SKAP2: variants seen among roughly 807,000 people sequenced by gnomAD.
SKAP2 encodes src kinase-associated phosphoprotein 2.
A neutral mutation model predicts 54.9 loss-of-function variants in SKAP2; 28 were observed. The ratio of observed to expected loss-of-function variants is 0.51; its 90% CI spans 0.38 to 0.70. SKAP2 has a LOEUF of 0.70. Among genes scored for constraint, SKAP2 ranks in the 30% least tolerant of loss-of-function variants. SKAP2 has a pLI of 0.00. For missense variants in SKAP2, 356 were observed against 424.1 expected (o/e 0.84, Z 1.41); for synonymous variants, 137 against 134.3 (o/e 1.02, Z -0.14).
chr7:26,765,016 A>G (rs1345532019), intron 4 of SKAP2, among the ~76,000 whole-genome samples: 3 of 152,204 alleles, frequency 2.0e-5, no homozygotes, highest in Non-Finnish European at 4.4e-5. Flanking sequence ...TAATGGGTCA[A>G]ATGGTATTTC....
intron 4 of SKAP2, among the ~76,000 whole-genome samples, chr7:26,800,932 C>T (rs1030593149): frequency 6.6e-6 from 1 of 152,056 alleles, no homozygotes; most frequent in Non-Finnish European, 1.5e-5. Flanking sequence ...AGAACTAACA[C>T]CAATCCTAAT....
chr7:26,668,662 G>GTT lies in SKAP2; in HGVS notation c.*1002_*1003dup, dbSNP rs369317261. The GTT allele has an allele frequency of 0.022, 2,709 of 122,920 alleles. 86 individuals are homozygous for GTT. The highest frequency in any genetic ancestry group is 0.029 in the African/African-American group (960 of 33,004). 7.6% of individuals were successfully genotyped at this position (122,920 alleles called of 1,614,324 possible). ...TACTTTGAGAATACACTGAGATTCT[G>GTT]TTTTTTTTTTTTTTTTTTTCTGAGA... On this transcript the variant is annotated 3_prime_UTR_variant, in exon 13 of 13. Transcript: ENST00000345317.
chr7:26,692,463 C>T (rs1226757278), intron 9 of SKAP2, among the ~76,000 whole-genome samples: 1 of 152,142 alleles, frequency 6.6e-6, no homozygotes, highest in Non-Finnish European at 1.5e-5. Flanking sequence ...GAATCAAAAT[C>T]AGCATTTCAA....
At chr7:26,786,501 C>T (rs1783547584) in intron 4 of SKAP2, among the ~76,000 whole-genome samples, 2 of 152,068 alleles carry the variant, frequency 1.3e-5, no homozygotes, top group African/African-American at 4.8e-5. Flanking sequence ...GACCAATGAG[C>T]TGAACTGAGG....
chr7:26,780,691 T>C (rs1160311334), intron 4 of SKAP2, among the ~76,000 whole-genome samples: 1 of 152,126 alleles, frequency 6.6e-6, no homozygotes. Flanking sequence ...TTTGCCCATA[T>C]ATACACATAG....
At chr7:26,711,954 C>G (rs193083699) in intron 9 of SKAP2, among the ~76,000 whole-genome samples, 18 of 152,148 alleles carry the variant, frequency 1.2e-4, no homozygotes, top group African/African-American at 3.9e-4. Flanking sequence ...GTGGCAGAAT[C>G]AGGAGTAACT....
At chr7:26,723,711 T>A (rs542618604) in intron 9 of SKAP2, among the ~76,000 whole-genome samples, 1 of 152,198 alleles carries the variant, frequency 6.6e-6, no homozygotes, top group African/African-American at 2.4e-5. Flanking sequence ...AATTTTTTTT[T>A]TCTTTAGGGG....
At chr7:26,852,995 GA>G (rs1424561118) in intron 3 of SKAP2, among the ~76,000 whole-genome samples, 3 of 151,818 alleles carry the variant, frequency 2.0e-5, no homozygotes, top group African/African-American at 7.2e-5. Context: ...ATTTCTTGTA[GA>G]GCACAAAAAA....
chr7:26,788,295 C>T (rs953172816), intron 4 of SKAP2, among the ~76,000 whole-genome samples: 1 of 152,066 alleles, frequency 6.6e-6, no homozygotes, highest in Non-Finnish European at 1.5e-5. Flanking sequence ...TGGTTTCTTA[C>T]AACAGCTGTG....
the SKAP2 span, among the ~76,000 whole-genome samples, chr7:26,658,467 T>C: frequency 6.6e-6 from 1 of 152,154 alleles, no homozygotes; most frequent in Non-Finnish European, 1.5e-5. Context: ...GACTCACAAA[T>C]GAATGCAGTT....
At chr7:26,745,533 T>C (rs151321053) in intron 4 of SKAP2, among the ~76,000 whole-genome samples, 1 of 152,230 alleles carries the variant, frequency 6.6e-6, no homozygotes, top group Non-Finnish European at 1.5e-5. Context: ...TCTAAACTCA[T>C]GTAGTAAACT....
intron 4 of SKAP2, among the ~76,000 whole-genome samples, chr7:26,801,781 C>A (rs1783920533): frequency 6.6e-6 from 1 of 151,870 alleles, no homozygotes; most frequent in Non-Finnish European, 1.5e-5. Flanking sequence ...AATTAAATAC[C>A]TAGAAATTAA....
At chr7:26,756,896 A>C (rs982904856) in intron 4 of SKAP2, among the ~76,000 whole-genome samples, 20 of 152,056 alleles carry the variant, frequency 1.3e-4, no homozygotes, top group Non-Finnish European at 2.5e-4. Flanking sequence ...ATGGTATCTC[A>C]TTGTGGTTTC....
chr7:26,677,779 T>C (rs987079537), intron 11 of SKAP2, among the ~76,000 whole-genome samples: 7 of 152,246 alleles, frequency 4.6e-5, no homozygotes, highest in African/African-American at 1.7e-4. Context: ...GTTTGTGGCT[T>C]TTCTGGATCC....
intron 9 of SKAP2, among the ~76,000 whole-genome samples, chr7:26,723,371 T>G (rs1293351507): frequency 2.6e-5 from 4 of 152,090 alleles, no homozygotes; most frequent in Non-Finnish European, 5.9e-5. Flanking sequence ...CTACAACGGC[T>G]TCCTTCCCGG....
chr7:26,713,756 C>T (rs186442976), intron 9 of SKAP2, among the ~76,000 whole-genome samples: 1,799 of 152,112 alleles, frequency 0.012, 35 homozygotes, highest in African/African-American at 0.041. Flanking sequence ...CCCGCCACCA[C>T]GCCCAGCTCA....
intron 4 of SKAP2, among the ~76,000 whole-genome samples, chr7:26,797,302 G>A (rs1003080158): frequency 7.2e-5 from 11 of 152,210 alleles, no homozygotes; most frequent in South Asian, 2.1e-4. Context: ...TCATAGTGGT[G>A]GCCGCCACGG....
intron 9 of SKAP2, among the ~76,000 whole-genome samples, chr7:26,701,736 A>AATAC (rs199613651): frequency 0.029 from 3,117 of 107,648 alleles, 66 homozygotes; most frequent in African/African-American, 0.059. Context: ...AAAATAAATA[A>AATAC]ATAAATAAAT....
At chr7:26,819,415 C>T (rs762324761) in intron 4 of SKAP2, among the ~76,000 whole-genome samples, 5 of 151,522 alleles carry the variant, frequency 3.3e-5, no homozygotes, top group African/African-American at 4.8e-5. Context: ...CTGCACCTGT[C>T]GGGGGGTGGG....
Sources: allele counts gnomAD v4.1 joint callset (sites outside exome capture counted in the v4.1 genomes callset), GRCh38; gene constraint gnomAD v4.1.1; transcripts MANE v1.5; gene names NCBI Gene and HGNC (gene_info 2026-07-23, HGNC 2026-07-21).